The following FMN2 variants were observed in gnomAD, a reference collection of about 807,000 sequenced individuals.
FMN2 encodes the protein formin-2.
In FMN2, 51 loss-of-function variants were observed where a neutral mutation model predicts 142.3. The observed-to-expected ratio is 0.36, with a 90% CI of 0.29 to 0.45. The LOEUF (loss-of-function observed/expected upper bound fraction) is 0.45, where lower values mean the gene tolerates loss of function less well. Among genes scored for constraint, FMN2 ranks in the 20% least tolerant of loss-of-function variants. FMN2 has a pLI of 1.00. For synonymous variants in FMN2, 882 were observed against 869.8 expected (o/e 1.01, Z -0.25); for missense variants, 1,936 against 2,122.8 (o/e 0.91, Z 1.73).
At chr1:240,379,793 G>T (rs909298823) in intron 14 of FMN2, among the ~76,000 whole-genome samples, 1 of 151,972 alleles carries the variant, frequency 6.6e-6, no homozygotes, top group Non-Finnish European at 1.5e-5. Flanking sequence ...AGTTGATAAA[G>T]GATCAACAAA....
At chr1:240,103,657 A>G (rs995400604) in intron 1 of FMN2, among the ~76,000 whole-genome samples, 1 of 151,400 alleles carries the variant, frequency 6.6e-6, no homozygotes, top group Non-Finnish European at 1.5e-5. Context: ...CATTATCTCT[A>G]CCCTTCCTAG....
intron 15 of FMN2, among the ~76,000 whole-genome samples, chr1:240,402,513 C>T (rs1172058737): frequency 6.6e-6 from 1 of 152,240 alleles, no homozygotes; most frequent in Non-Finnish European, 1.5e-5. Context: ...TGAATATATT[C>T]TCATCTTCAG....
intron 8 of FMN2, among the ~76,000 whole-genome samples, chr1:240,306,312 C>T (rs540708179): frequency 6.6e-6 from 1 of 152,086 alleles, no homozygotes; most frequent in Admixed American, 6.5e-5. Context: ...GATACATGTG[C>T]AGGTTTGTTA....
chr1:240,430,358 A>G (rs1675119936), intron 15 of FMN2, among the ~76,000 whole-genome samples: 1 of 152,178 alleles, frequency 6.6e-6, no homozygotes, highest in African/African-American at 2.4e-5. Context: ...TTACACTCTC[A>G]AAAGCACTGT....
At chr1:240,280,493 G>A (rs1248388910) in intron 7 of FMN2, among the ~76,000 whole-genome samples, 1 of 152,114 alleles carries the variant, frequency 6.6e-6, no homozygotes, top group East Asian at 1.9e-4. Context: ...CCCTTTTAGA[G>A]CATGTGTTAG....
intron 1 of FMN2, among the ~76,000 whole-genome samples, chr1:240,096,370 T>C (rs1333652644): frequency 6.6e-6 from 1 of 152,174 alleles, no homozygotes; most frequent in Non-Finnish European, 1.5e-5. Context: ...GAAGGGTGAT[T>C]GTTGGCCAGA....
intron 7 of FMN2, among the ~76,000 whole-genome samples, chr1:240,290,801 T>G (rs1419039074): frequency 1.4e-5 from 2 of 141,992 alleles, no homozygotes; most frequent in Non-Finnish European, 3.1e-5. Flanking sequence ...TTGTTTTTTT[T>G]TTTTTTTGAG....
intron 16 of FMN2, among the ~76,000 whole-genome samples, chr1:240,452,863 A>G (rs553420081): frequency 7.2e-5 from 11 of 152,338 alleles, no homozygotes; most frequent in Non-Finnish European, 1.5e-4. Context: ...TCATAATTCT[A>G]TACTGAGTAT....
chr1:240,430,427 T>C (rs941205452), intron 15 of FMN2, among the ~76,000 whole-genome samples: 13 of 152,176 alleles, frequency 8.5e-5, no homozygotes, highest in African/African-American at 2.7e-4. Flanking sequence ...CAAGTCTTTT[T>C]GATTTAAGCC....
intron 2 of FMN2, among the ~76,000 whole-genome samples, chr1:240,154,193 G>A (rs533402598): frequency 4.7e-5 from 7 of 148,760 alleles, no homozygotes; most frequent in Admixed American, 3.4e-4. Context: ...TTAGGAGAAC[G>A]TACGTTCTCA....
At chr1:240,188,326 A>T in intron 4 of FMN2, 64 bp downstream of exon 4, 1 of 1,550,576 alleles carries the variant, frequency 6.4e-7, no homozygotes, top group African/African-American at 1.4e-5. Context: ...ATTGTGACAG[A>T]CTCTGCGATT....
intron 13 of FMN2, among the ~76,000 whole-genome samples, chr1:240,334,929 C>T (rs10926222): frequency 0.43 from 65,468 of 151,788 alleles, 14,673 homozygotes; most frequent in Admixed American, 0.55. Flanking sequence ...TACATTTACC[C>T]GAGCTTTTGA....
rs755183775 is a variant in FMN2 at position 240,206,847 on chromosome 1, C to T, written c.2035C>T (p.Leu679=). ...GGGACAGGCCACTGTAATTCAGCAG[C>T]TGGAACAGACTATTGAGGATCTGAG... ...SEGQATVIQQ[L]EQTIEDLRTK... Residue 679 remains leucine, a synonymous_variant, in exon 5 of 18, where the codon CTG becomes TTG. Transcript: ENST00000319653. 1 of 1,614,072 alleles carries T rather than the reference C, an allele frequency of 6.2e-7. No individual in the cohort carries two copies. The highest frequency in any genetic ancestry group is 2.2e-5 in the East Asian group (1 of 44,878).
At chr1:240,362,361 A>G (rs1436202719) in intron 14 of FMN2, among the ~76,000 whole-genome samples, 1 of 152,206 alleles carries the variant, frequency 6.6e-6, no homozygotes, top group Admixed American at 6.5e-5. Flanking sequence ...CTTAATCTCC[A>G]GATGGTCATT....
chr1:240,237,523 A>G (rs557285803), intron 6 of FMN2, among the ~76,000 whole-genome samples: 1 of 152,334 alleles, frequency 6.6e-6, no homozygotes, highest in South Asian at 2.1e-4. Context: ...TTCGAAATAG[A>G]CTAATTAAAT....
At chr1:240,131,194 G>A (rs1436544920) in intron 2 of FMN2, among the ~76,000 whole-genome samples, 1 of 152,154 alleles carries the variant, frequency 6.6e-6, no homozygotes, top group African/African-American at 2.4e-5. Flanking sequence ...GTATGGATAC[G>A]AATAAAGCAT....
chr1:240,455,040 A>T (rs150712139), intron 16 of FMN2, among the ~76,000 whole-genome samples: 1 of 38,954 alleles, frequency 2.6e-5, no homozygotes, highest in African/African-American at 7.5e-5. Context: ...ATTATTAGTT[A>T]AAAAAAAAAA....
intron 8 of FMN2, among the ~76,000 whole-genome samples, chr1:240,328,501 A>T (rs1572198816): frequency 6.6e-6 from 1 of 152,066 alleles, no homozygotes; most frequent in South Asian, 2.1e-4. Flanking sequence ...AATGGTCAAT[A>T]ACATTATTTG....
chr1:240,218,909 T>A (rs1667006176), intron 6 of FMN2, among the ~76,000 whole-genome samples: 1 of 152,140 alleles, frequency 6.6e-6, no homozygotes, highest in Non-Finnish European at 1.5e-5. Context: ...ATACTAAAGA[T>A]AGTGCAAACT....
Sources: allele counts gnomAD v4.1 joint callset (sites outside exome capture counted in the v4.1 genomes callset), GRCh38; gene constraint gnomAD v4.1.1; transcripts MANE v1.5; gene names NCBI Gene and HGNC (gene_info 2026-07-23, HGNC 2026-07-21).